Variants in CNTN3 observed in about 807,000 individuals in gnomAD.
CNTN3 encodes contactin-3.
In CNTN3, 60 loss-of-function variants were observed where a neutral mutation model predicts 119.1. That is an observed-to-expected ratio of 0.50 (90% CI 0.41 to 0.62). The LOEUF is 0.62. Among genes scored for constraint, CNTN3 ranks in the 20% least tolerant of loss-of-function variants. The probability of loss-of-function intolerance (pLI) is 0.00; values close to 1 mark genes in which losing one functional copy is unlikely to be tolerated. For missense variants in CNTN3, 1,101 were observed against 1,242.4 expected (o/e 0.89, Z 1.71); for synonymous variants, 450 against 438.7 (o/e 1.03, Z -0.32).
At chr3:74,559,255 C>A (rs1575829235) in intron 1 of CNTN3, among the ~76,000 whole-genome samples, 1 of 152,260 alleles carries the variant, frequency 6.6e-6, no homozygotes, top group African/African-American at 2.4e-5. Context: ...AGTCGCTAAG[C>A]TATCTTTCTG....
At chr3:74,413,770 CT>C (rs2106875083) in intron 5 of CNTN3, among the ~76,000 whole-genome samples, 1 of 152,184 alleles carries the variant, frequency 6.6e-6, no homozygotes, top group Non-Finnish European at 1.5e-5. Flanking sequence ...ACCTTTAACC[CT>C]GGTACCATTT....
chr3:74,324,606 T>C (rs1703084727), intron 13 of CNTN3, among the ~76,000 whole-genome samples: 1 of 152,162 alleles, frequency 6.6e-6, no homozygotes, highest in African/African-American at 2.4e-5. Context: ...TCTTTCAAAG[T>C]TTTTCTCCCA....
chr3:74,362,146 G>T (rs1437356444), intron 10 of CNTN3, 106 bp from the exon 11 acceptor site: 3 of 1,216,042 alleles, frequency 2.5e-6, no homozygotes, highest in Non-Finnish European at 2.3e-6. Context: ...TACATTCAGG[G>T]TGTCAGTGCT....
intron 4 of CNTN3, among the ~76,000 whole-genome samples, chr3:74,460,585 C>T (rs549570410): frequency 1.1e-4 from 16 of 151,438 alleles, no homozygotes; most frequent in Non-Finnish European, 1.5e-4. Context: ...TGGTTTCCAT[C>T]AGTTCATTAT....
intron 5 of CNTN3, among the ~76,000 whole-genome samples, chr3:74,407,435 A>ATTTT (rs372596619): frequency 1.5e-4 from 21 of 136,488 alleles, no homozygotes; most frequent in African/African-American, 3.8e-4. Context: ...CGCCTGGCTA[A>ATTTT]TTTTTTTTTT....
intron 19 of CNTN3, among the ~76,000 whole-genome samples, chr3:74,291,724 C>T (rs1702236031): frequency 6.6e-6 from 1 of 152,152 alleles, no homozygotes; most frequent in South Asian, 2.1e-4. Context: ...ACATTGAATT[C>T]CATATCCTGC....
intron 4 of CNTN3, among the ~76,000 whole-genome samples, chr3:74,459,877 G>A (rs998218930): frequency 2.0e-5 from 3 of 151,910 alleles, no homozygotes; most frequent in African/African-American, 7.3e-5. Context: ...TTATTTTACT[G>A]TAAATACTTC....
At chr3:74,505,835 A>G (rs1195194568) in intron 2 of CNTN3, among the ~76,000 whole-genome samples, 1 of 152,196 alleles carries the variant, frequency 6.6e-6, no homozygotes, top group African/African-American at 2.4e-5. Context: ...AGAGTATAGC[A>G]TGCAGCTGGA....
At chr3:74,539,354 C>T (rs1268579589) in intron 1 of CNTN3, among the ~76,000 whole-genome samples, 2 of 152,022 alleles carry the variant, frequency 1.3e-5, no homozygotes, top group African/African-American at 2.4e-5. Flanking sequence ...CTATCTTGTG[C>T]CCATTGATGA....
At chr3:74,279,267 T>C (rs1701946099) in intron 20 of CNTN3, among the ~76,000 whole-genome samples, 1 of 152,096 alleles carries the variant, frequency 6.6e-6, no homozygotes, top group African/African-American at 2.4e-5. Flanking sequence ...GGTATCTACC[T>C]AGAGGAAAAA....
intron 4 of CNTN3, among the ~76,000 whole-genome samples, chr3:74,450,741 C>T (rs1702136973): frequency 2.0e-5 from 3 of 148,692 alleles, no homozygotes; most frequent in Admixed American, 6.8e-5. Flanking sequence ...CAATTCCCAC[C>T]TATGAGTGAG....
Position 74,411,978 on chromosome 3 carries a change from C to T in CNTN3, c.454+12867G>A, listed in dbSNP as rs150731312. On this transcript the variant is annotated intron_variant, in intron 5 of 22. Transcript: ENST00000263665. Reference sequence around the variant, plus strand: ...AAAACATTGCATATGTTAGAAAAAACGGAAAAGTCCTTAAATTTCTGAATT... The same window carrying T: ...AAAACATTGCATATGTTAGAAAAAATGGAAAAGTCCTTAAATTTCTGAATT... 8.0e-4 allele frequency among the ~76,000 whole-genome samples: 121 copies of T among 152,192 alleles called. No homozygotes were observed. In the East Asian group the frequency reaches 0.017, roughly 21 times the overall value.
chr3:74,298,930 A>G (rs1702398700), intron 17 of CNTN3, among the ~76,000 whole-genome samples: 1 of 151,626 alleles, frequency 6.6e-6, no homozygotes, highest in Admixed American at 6.6e-5. Context: ...TAATTTATAA[A>G]TTAATGAATT....
At chr3:74,269,096 TCTAA>T (rs766431655) in intron 20 of CNTN3, among the ~76,000 whole-genome samples, 23 of 150,804 alleles carry the variant, frequency 1.5e-4, no homozygotes, top group Non-Finnish European at 2.2e-4. Context: ...AATAATAGGG[TCTAA>T]CTTTGTTCTT....
intron 5 of CNTN3, among the ~76,000 whole-genome samples, chr3:74,400,650 T>C (rs1439880667): frequency 6.6e-6 from 1 of 152,178 alleles, no homozygotes; most frequent in African/African-American, 2.4e-5. Flanking sequence ...TTTCTAGTTG[T>C]TTATTTTTTA....
At chr3:74,566,813 G>T (rs150936456) in intron 1 of CNTN3, among the ~76,000 whole-genome samples, 2 of 152,272 alleles carry the variant, frequency 1.3e-5, no homozygotes, top group Non-Finnish European at 2.9e-5. Flanking sequence ...AGGTCCTGGA[G>T]ATAAGAATTC....
chr3:74,347,587 C>A (rs1703723292), intron 11 of CNTN3, among the ~76,000 whole-genome samples: 2 of 152,166 alleles, frequency 1.3e-5, no homozygotes, highest in South Asian at 4.1e-4. Flanking sequence ...GTTTCTTTTT[C>A]TTTATGGCTA....
intron 1 of CNTN3, among the ~76,000 whole-genome samples, chr3:74,570,890 T>G (rs776881221): frequency 6.6e-6 from 1 of 152,358 alleles, no homozygotes; most frequent in East Asian, 1.9e-4. Flanking sequence ...TTAATTCATT[T>G]GAACATGAAA....
At chr3:74,414,488 A>G (rs1007342324) in intron 5 of CNTN3, among the ~76,000 whole-genome samples, 2 of 152,200 alleles carry the variant, frequency 1.3e-5, no homozygotes, top group African/African-American at 2.4e-5. Context: ...GTTTCAAAGT[A>G]TGGCTTAAAA....
Sources: gnomAD v4.1 joint callset for allele counts (sites outside exome capture counted in the v4.1 genomes callset) on GRCh38, gnomAD v4.1.1 for gene constraint, MANE v1.5 for transcripts, NCBI Gene and HGNC (gene_info 2026-07-23, HGNC 2026-07-21) for gene names.